Variants in BBS9 observed in about 807,000 individuals in gnomAD.
BBS9 encodes the protein Bardet-Biedl syndrome 9.
A neutral mutation model predicts 117.7 loss-of-function variants in BBS9; 89 were observed. The ratio of observed to expected loss-of-function variants is 0.76; its 90% CI spans 0.64 to 0.90. The LOEUF is 0.90. BBS9 is among the 40% of genes least tolerant of loss of function. BBS9 has a pLI of 0.00. For missense variants in BBS9, 982 were observed against 1,042.2 expected, an observed-to-expected ratio of 0.94 and a Z score of 0.80; for synonymous variants, 379 against 370.9, an observed-to-expected ratio of 1.02 and a Z score of -0.25.
intron 6 of BBS9, among the ~76,000 whole-genome samples, chr7:33,260,844 T>A (rs1458828585): frequency 6.6e-6 from 1 of 152,196 alleles, no homozygotes; most frequent in African/African-American, 2.4e-5. Flanking sequence ...CTGCCATGGG[T>A]GTTATTTCTC....
chr7:33,283,247 T>C (rs896324327), intron 9 of BBS9, among the ~76,000 whole-genome samples: 1 of 152,212 alleles, frequency 6.6e-6, no homozygotes, highest in African/African-American at 2.4e-5. Context: ...GGACATTCCA[T>C]TTGGTTTTGA....
chr7:33,459,429 G>A lies in BBS9; in HGVS notation c.2116-46034G>A, dbSNP rs150753796. Among the ~76,000 whole-genome samples, 14 of 151,786 alleles carry A rather than the reference G, an allele frequency of 9.2e-5. No individual in the cohort carries two copies. In the East Asian group the frequency reaches 2.5e-3, roughly 27 times the overall value. The stretch of plus-strand genomic sequence containing the variant: ...GATGTTGCTAAACTTCCTACAGAGG[G>A]CAGAGCAGCCCTCACAGCAAACAAG... On this transcript the variant is annotated intron_variant, in intron 19 of 22. Coordinates refer to ENST00000242067, the MANE Select transcript of BBS9 (RefSeq NM_198428.3).
intron 21 of BBS9, among the ~76,000 whole-genome samples, chr7:33,600,315 A>G (rs1189980832): frequency 6.6e-6 from 1 of 152,050 alleles, no homozygotes; most frequent in African/African-American, 2.4e-5. Flanking sequence ...TTATTCATTT[A>G]ATTTTTCTAC....
chr7:33,509,822 G>C lies in BBS9; in HGVS notation c.2298+4177G>C, dbSNP rs534233416. Among the ~76,000 whole-genome samples, 35 of 152,316 alleles carry C rather than the reference G, an allele frequency of 2.3e-4. 1 individual carries two copies. In the South Asian group the frequency reaches 6.2e-3, roughly 27 times the overall value. On this transcript the variant is annotated intron_variant, in intron 20 of 22. Coordinates refer to ENST00000242067, the MANE Select transcript of BBS9 (RefSeq NM_198428.3). ...AAAATATTTAGAATGTGCTATTGCT[G>C]ATGAAAAGTAATGTTCTCCACACTA...
At chr7:33,519,105 A>G (rs1237777359) in intron 20 of BBS9, among the ~76,000 whole-genome samples, 1 of 152,192 alleles carries the variant, frequency 6.6e-6, no homozygotes, top group Non-Finnish European at 1.5e-5. Context: ...AAGAAAGAAA[A>G]GAAACCTGTA....
intron 21 of BBS9, among the ~76,000 whole-genome samples, chr7:33,573,191 C>T (rs1356320744): frequency 2.6e-5 from 4 of 152,126 alleles, no homozygotes; most frequent in Non-Finnish European, 5.9e-5. Context: ...TGTACCTTCC[C>T]AAGCTTGAAA....
intron 6 of BBS9, among the ~76,000 whole-genome samples, chr7:33,261,316 G>C (rs1797949462): frequency 6.6e-6 from 1 of 152,120 alleles, no homozygotes. Flanking sequence ...GCTCCTCGAT[G>C]GCAGGAATTC....
chr7:33,148,606 A>C (rs1345972007), intron 2 of BBS9, among the ~76,000 whole-genome samples: 8 of 147,538 alleles, frequency 5.4e-5, no homozygotes, highest in South Asian at 2.1e-4. Context: ...TGGGTGATCC[A>C]CCTGCCTCGG....
intron 19 of BBS9, among the ~76,000 whole-genome samples, chr7:33,502,352 G>C (rs1845576056): frequency 6.6e-6 from 1 of 152,098 alleles, no homozygotes; most frequent in South Asian, 2.1e-4. Flanking sequence ...TTCCACCATG[G>C]CTGATTTCAG....
chr7:33,138,613 G>A (rs1790942864), intron 1 of BBS9, among the ~76,000 whole-genome samples: 1 of 151,144 alleles, frequency 6.6e-6, no homozygotes, highest in Non-Finnish European at 1.5e-5. Context: ...AGGAAAAATT[G>A]ATAGAGCAGG....
chr7:33,442,672 T>C (rs1200172779), intron 19 of BBS9, among the ~76,000 whole-genome samples: 2 of 152,202 alleles, frequency 1.3e-5, no homozygotes, highest in South Asian at 2.1e-4. Context: ...AAATCAACAG[T>C]GATGATGGGA....
exon 22 of BBS9, among the ~76,000 whole-genome samples, chr7:33,635,209 A>G (rs1866086640): frequency 9.1e-6 from 1 of 109,430 alleles, no homozygotes; most frequent in South Asian, 2.7e-4. Flanking sequence ...CGAGGCCTGG[A>G]CCCTAAGAAT....
At chr7:33,188,626 A>G (rs1381822308) in intron 5 of BBS9, among the ~76,000 whole-genome samples, 3 of 152,228 alleles carry the variant, frequency 2.0e-5, no homozygotes, top group Non-Finnish European at 4.4e-5. Context: ...AGGAGAGGGA[A>G]GGGAGAGATT....
chr7:33,192,752 G>A (rs770524283), intron 5 of BBS9, among the ~76,000 whole-genome samples: 55 of 152,190 alleles, frequency 3.6e-4, no homozygotes, highest in Non-Finnish European at 7.3e-5. Flanking sequence ...CAAGGTGCCA[G>A]CAGGTTCAGT....
intron 20 of BBS9, among the ~76,000 whole-genome samples, chr7:33,510,810 G>A (rs1000852064): frequency 1.3e-5 from 2 of 152,216 alleles, no homozygotes; most frequent in Non-Finnish European, 2.9e-5. Flanking sequence ...CTGTTGCATA[G>A]CACTATCAGT....
intron 21 of BBS9, among the ~76,000 whole-genome samples, chr7:33,563,718 C>T (rs936588300): frequency 3.9e-5 from 6 of 152,108 alleles, no homozygotes; most frequent in African/African-American, 7.2e-5. Flanking sequence ...TTGAGTTGCA[C>T]GTATGGGGTC....
intron 17 of BBS9, among the ~76,000 whole-genome samples, chr7:33,377,074 C>T (rs901976554): frequency 6.6e-6 from 1 of 152,032 alleles, no homozygotes. Context: ...GTCATACTTG[C>T]TTTTGTTGCA....
In BBS9 at chr7:33,396,531, T is replaced by TTGAA. The variant is rs1828004522; in HGVS notation, c.2115+8390_2115+8393dup. ...CAATTTTTAAAAATATTATAATTTG[T>TTGAA]TGAATGCATGGATAGGAAGAATCAG... On this transcript the variant is annotated intron_variant, in intron 19 of 22. Coordinates refer to ENST00000242067, the MANE Select transcript of BBS9 (RefSeq NM_198428.3). Among the ~76,000 whole-genome samples the TTGAA allele has an allele frequency of 7.9e-5, 12 of 152,238 alleles. 1 individual carries two copies. In the South Asian group the frequency reaches 2.5e-3, roughly 32 times the overall value.
chr7:33,230,170 T>G (rs904659782), intron 5 of BBS9, among the ~76,000 whole-genome samples: 2 of 152,226 alleles, frequency 1.3e-5, no homozygotes, highest in Non-Finnish European at 2.9e-5. Flanking sequence ...TTGTGAGATA[T>G]ATGGTTTGTA....
Sources: allele counts gnomAD v4.1 joint callset (sites outside exome capture counted in the v4.1 genomes callset), GRCh38; gene constraint gnomAD v4.1.1; transcripts MANE v1.5; gene names NCBI Gene and HGNC (gene_info 2026-07-23, HGNC 2026-07-21).